Variants in NR6A1 observed in about 807,000 individuals in gnomAD.
NR6A1 encodes the protein nuclear receptor subfamily 6 group A member 1, also known as retinoic acid receptor-related testis-associated receptor.
NR6A1 carries 7 observed loss-of-function variants against 59.1 expected under a neutral mutation model. That is an observed-to-expected ratio of 0.12 (90% CI 0.07 to 0.22). The LOEUF (loss-of-function observed/expected upper bound fraction) is 0.22. Ranked by LOEUF, NR6A1 falls within the 10% of genes least tolerant of loss-of-function variation. The pLI, the probability that NR6A1 is intolerant of heterozygous loss-of-function variation, is 1.00. For synonymous variants in NR6A1, 243 were observed against 236.1 expected (o/e 1.03, Z -0.27); for missense variants, 468 against 611.6 (o/e 0.77, Z 2.48).
chr9:124,644,268 CTTCTT>C (rs1564215572), intron 2 of NR6A1, among the ~76,000 whole-genome samples: 2 of 23,042 alleles, frequency 8.7e-5, no homozygotes, highest in African/African-American at 2.9e-4. Flanking sequence ...AAGATTAAGT[CTTCTT>C]TTTTTTTTTT....
At chr9:124,725,950 T>G (rs1839703972) in intron 2 of NR6A1, among the ~76,000 whole-genome samples, 2 of 152,216 alleles carry the variant, frequency 1.3e-5, no homozygotes, top group African/African-American at 4.8e-5. Flanking sequence ...ACAGGCTTAA[T>G]GTAAATGAGA....
chr9:124,541,651 A>C (rs1014915128), intron 4 of NR6A1, among the ~76,000 whole-genome samples: 1 of 152,302 alleles, frequency 6.6e-6, no homozygotes, highest in African/African-American at 2.4e-5. Context: ...AAATAGAAAC[A>C]CCATATGATC....
intron 2 of NR6A1, among the ~76,000 whole-genome samples, chr9:124,679,754 G>A (rs953583648): frequency 2.6e-5 from 4 of 151,702 alleles, no homozygotes; most frequent in Admixed American, 2.6e-4. Flanking sequence ...AAAATTAGCC[G>A]GTCATGGTGG....
intron 1 of NR6A1, among the ~76,000 whole-genome samples, chr9:124,735,198 A>ATTCT (rs1260685089): frequency 6.6e-6 from 1 of 152,178 alleles, no homozygotes; most frequent in Admixed American, 6.5e-5. Flanking sequence ...AACATGCCAC[A>ATTCT]TTCTTTCTTG....
chr9:124,715,710 GAAAA>G (rs554004838), intron 2 of NR6A1, among the ~76,000 whole-genome samples: 1 of 149,934 alleles, frequency 6.7e-6, no homozygotes, highest in Non-Finnish European at 1.5e-5. Flanking sequence ...GAAGTGGGGA[GAAAA>G]AAAAACACTA....
Position 124,729,362 on chromosome 9 carries a change from C to T in NR6A1, c.142+3946G>A, listed in dbSNP as rs1349040111. 3.3e-5 allele frequency among the ~76,000 whole-genome samples: 5 copies of T among 151,748 alleles called. No homozygotes were observed. In the South Asian group the frequency reaches 6.2e-4, roughly 19 times the overall value. Reference sequence around the variant, plus strand: ...TTTTTATATTTGTAAAGTAAAAGTTCGGTTAAAATGATCACTGTTCTTTTT... The same window carrying T: ...TTTTTATATTTGTAAAGTAAAAGTTTGGTTAAAATGATCACTGTTCTTTTT... On this transcript the variant is annotated intron_variant, in intron 2 of 9. Coordinates refer to ENST00000487099, the MANE Select transcript of NR6A1 (RefSeq NM_033334.4).
At chr9:124,558,990 T>G (rs1291774393) in intron 2 of NR6A1, among the ~76,000 whole-genome samples, 1 of 152,220 alleles carries the variant, frequency 6.6e-6, no homozygotes, top group Non-Finnish European at 1.5e-5. Context: ...ATTTATAGCA[T>G]GTTTACATGC....
intron 3 of NR6A1, among the ~76,000 whole-genome samples, chr9:124,552,422 C>T (rs3780195): frequency 0.016 from 2,477 of 152,180 alleles, 72 homozygotes; most frequent in East Asian, 0.15. Flanking sequence ...CCCTGAGGCA[C>T]AGTGTTCAGA....
chr9:124,719,986 AAT>A (rs140281902), intron 2 of NR6A1, among the ~76,000 whole-genome samples: 5,619 of 152,228 alleles, frequency 0.037, 325 homozygotes, highest in African/African-American at 0.13. Flanking sequence ...ATCTGAGCTC[AAT>A]GTTAGATATT....
chr9:124,643,039 A>T (rs1292111632), intron 2 of NR6A1, among the ~76,000 whole-genome samples: 1 of 131,152 alleles, frequency 7.6e-6, no homozygotes, highest in African/African-American at 2.8e-5. Context: ...TTATGATTTT[A>T]GCTTTATCTA....
intron 6 of NR6A1, among the ~76,000 whole-genome samples, chr9:124,537,434 G>A (rs978685577): frequency 1.3e-5 from 2 of 152,160 alleles, no homozygotes; most frequent in Non-Finnish European, 2.9e-5. Context: ...CTTGTGGGTA[G>A]ATATTTTAAT....
At chr9:124,548,371 C>A (rs1833665274) in intron 3 of NR6A1, among the ~76,000 whole-genome samples, 3 of 152,162 alleles carry the variant, frequency 2.0e-5, no homozygotes, top group Admixed American at 1.3e-4. Flanking sequence ...AATCCCAGCA[C>A]TTTGGGAGAC....
intron 3 of NR6A1, among the ~76,000 whole-genome samples, chr9:124,544,938 T>C (rs962067217): frequency 6.6e-6 from 1 of 152,182 alleles, no homozygotes; most frequent in Non-Finnish European, 1.5e-5. Flanking sequence ...ATGTTAACAA[T>C]GACAGAAGAT....
chr9:124,545,753 C>G (rs1414160839), intron 3 of NR6A1, among the ~76,000 whole-genome samples: 3 of 152,182 alleles, frequency 2.0e-5, no homozygotes, highest in South Asian at 2.1e-4. Context: ...AAGCAACATA[C>G]TTTACTTTTC....
intron 1 of NR6A1, among the ~76,000 whole-genome samples, chr9:124,756,863 G>A (rs564929008): frequency 6.6e-6 from 1 of 152,128 alleles, no homozygotes; most frequent in South Asian, 2.1e-4. Flanking sequence ...GGGTGTCTCT[G>A]CCACCCATTC....
At chr9:124,745,765 G>T (rs1271059880) in intron 1 of NR6A1, among the ~76,000 whole-genome samples, 2 of 150,994 alleles carry the variant, frequency 1.3e-5, no homozygotes, top group Non-Finnish European at 2.9e-5. Flanking sequence ...CAGATCACCT[G>T]AAGTCAGGAG....
At chr9:124,766,536 T>G (rs1840938638) in intron 1 of NR6A1, among the ~76,000 whole-genome samples, 2 of 152,218 alleles carry the variant, frequency 1.3e-5, no homozygotes, top group African/African-American at 4.8e-5. Context: ...TAGAATCTGT[T>G]TTTACACATG....
At chr9:124,533,495 G>C (rs1169347765) in intron 7 of NR6A1, among the ~76,000 whole-genome samples, 2 of 152,118 alleles carry the variant, frequency 1.3e-5, no homozygotes, top group Non-Finnish European at 2.9e-5. Flanking sequence ...TCCCCTAGCT[G>C]TGCAAAGGGC....
intron 2 of NR6A1, among the ~76,000 whole-genome samples, chr9:124,615,732 A>G (rs1304732095): frequency 6.6e-6 from 1 of 152,150 alleles, no homozygotes; most frequent in Non-Finnish European, 1.5e-5. Flanking sequence ...TAAAATTTAC[A>G]TGTTCCTGGA....
Sources: gnomAD v4.1 joint callset for allele counts (sites outside exome capture counted in the v4.1 genomes callset) on GRCh38, gnomAD v4.1.1 for gene constraint, MANE v1.5 for transcripts, NCBI Gene and HGNC (gene_info 2026-07-23, HGNC 2026-07-21) for gene names.